The following RBFOX1 variants were observed in gnomAD, a reference collection of about 807,000 sequenced individuals.
RBFOX1 encodes RNA binding protein fox-1 homolog 1.
Under a neutral mutation model 57.7 loss-of-function variants are expected in RBFOX1, and 8 were observed. That is an observed-to-expected ratio of 0.14 (90% CI 0.08 to 0.25). RBFOX1 has a LOEUF of 0.25. Among genes scored for constraint, RBFOX1 ranks in the 10% least tolerant of loss-of-function variants. The pLI is 1.00. For missense variants in RBFOX1, 611 were observed against 548.5 expected (o/e 1.11, Z -1.14); for synonymous variants, 326 against 222.4 (o/e 1.47, Z -4.15).
At chr16:6,630,073 A>C (rs994342759) in intron 2 of RBFOX1, among the ~76,000 whole-genome samples, 18 of 151,920 alleles carry the variant, frequency 1.2e-4, no homozygotes, top group Admixed American at 7.9e-4. Flanking sequence ...TTCTGACAGG[A>C]AGAGGGTTTT....
rs2056363344 is a variant in RBFOX1 at position 5,833,764 on chromosome 16, C to T, written c.319-33539C>T. Among the ~76,000 whole-genome samples the T allele has an allele frequency of 2.0e-5, 3 of 152,084 alleles. No individual in the cohort carries two copies. In the South Asian group the frequency reaches 6.2e-4, roughly 32 times the overall value. On this transcript the variant is annotated intron_variant, in intron 3 of 19. Transcript: ENST00000641259. The stretch of plus-strand genomic sequence containing the variant: ...AAGGAGAGACACATTTATTTTGTTT[C>T]CCTTGTCTTTCTACTTAGTTAGCCC...
In RBFOX1 at chr16:6,468,372, C is replaced by T. The variant is rs59822138; in HGVS notation, c.-64+151315C>T. On this transcript the variant is annotated intron_variant, in intron 2 of 15. Transcript: ENST00000550418. ...GTGCCCCACTGCTGGGCCATACTGC[C>T]TGTCAGGCCCAAATTAATATCTTTT... 6.3e-3 allele frequency among the ~76,000 whole-genome samples: 957 copies of T among 152,298 alleles called. 13 individuals carry two copies. Among genetic ancestry groups the T allele is most frequent in the African/African-American group, 0.022 (916 of 41,558 alleles).
At position 6,790,448 on chromosome 16, in the gene RBFOX1, G is replaced by C. The variant is rs553731278; in HGVS notation, c.-16+135798G>C. Among the ~76,000 whole-genome samples, 261 of 152,236 alleles carry C rather than the reference G, an allele frequency of 1.7e-3. 1 individual carries two copies. The highest frequency in any genetic ancestry group is 6.2e-3 in the African/African-American group (257 of 41,554). On this transcript the variant is annotated intron_variant, in intron 3 of 15. Transcript: ENST00000550418. ...GATCTACCCACCTCGGCCTCCCAAA[G>C]TGCTGGGAATACAGGCGTGAGGCAC...
intron 3 of RBFOX1, among the ~76,000 whole-genome samples, chr16:6,714,225 C>G (rs1267674281): frequency 6.6e-6 from 1 of 152,256 alleles, no homozygotes; most frequent in African/African-American, 2.4e-5. Context: ...TGAGGCCTCT[C>G]CAGCCATGCA....
At chr16:5,637,581 C>A (rs1489101023) in intron 3 of RBFOX1, among the ~76,000 whole-genome samples, 49 of 152,182 alleles carry the variant, frequency 3.2e-4, no homozygotes, top group Non-Finnish European at 2.9e-5. Context: ...AATTGCTGTT[C>A]ATATGTTTAT....
intron 11 of RBFOX1, 47 bp from the exon 12 acceptor site, chr16:7,653,768 C>G (rs754341389): frequency 1.3e-6 from 2 of 1,595,592 alleles, no homozygotes; most frequent in South Asian, 2.2e-5. Context: ...GCAGGGTGTG[C>G]ATCTGACAGC....
At chr16:5,994,089 C>G (rs141982248) in intron 4 of RBFOX1, among the ~76,000 whole-genome samples, 1 of 152,112 alleles carries the variant, frequency 6.6e-6, no homozygotes, top group Non-Finnish European at 1.5e-5. Context: ...TATGGGGGCT[C>G]GTTCGACTCT....
intron 2 of RBFOX1, among the ~76,000 whole-genome samples, chr16:6,588,682 C>T (rs974090576): frequency 1.3e-5 from 2 of 152,112 alleles, no homozygotes; most frequent in African/African-American, 2.4e-5. Flanking sequence ...GCACCTTCCT[C>T]CCTGCATTTT....
chr16:5,472,953 T>A (rs562536876), intron 2 of RBFOX1, among the ~76,000 whole-genome samples: 1 of 152,280 alleles, frequency 6.6e-6, no homozygotes, highest in African/African-American at 2.4e-5. Flanking sequence ...TTCCCGTTGT[T>A]ATCAGACTAT....
intron 1 of RBFOX1, among the ~76,000 whole-genome samples, chr16:5,313,181 C>T (rs904971501): frequency 6.6e-6 from 1 of 152,164 alleles, no homozygotes; most frequent in East Asian, 1.9e-4. Flanking sequence ...GCTCATTACT[C>T]AAAGTCATGC....
At chr16:6,648,032 G>T (rs1338331283) in intron 2 of RBFOX1, among the ~76,000 whole-genome samples, 1 of 151,984 alleles carries the variant, frequency 6.6e-6, no homozygotes, top group Non-Finnish European at 1.5e-5. Flanking sequence ...AGTAGAGACA[G>T]GGGTTTCATT....
At chr16:5,628,558 T>A (rs986318959) in intron 3 of RBFOX1, among the ~76,000 whole-genome samples, 3 of 152,142 alleles carry the variant, frequency 2.0e-5, no homozygotes, top group Admixed American at 6.5e-5. Flanking sequence ...AACTCAAACA[T>A]AAAGTCTGAA....
At chr16:5,496,748 A>G (rs1323474058) in intron 2 of RBFOX1, among the ~76,000 whole-genome samples, 1 of 152,026 alleles carries the variant, frequency 6.6e-6, no homozygotes, top group Admixed American at 6.6e-5. Flanking sequence ...TTACATCTTT[A>G]TTTGCAATCA....
At chr16:5,551,887 G>A (rs1157972368) in intron 2 of RBFOX1, among the ~76,000 whole-genome samples, 2 of 151,686 alleles carry the variant, frequency 1.3e-5, no homozygotes, top group Non-Finnish European at 2.9e-5. Flanking sequence ...GAGAATATGC[G>A]GTGTTTGGTT....
chr16:6,504,759 T>TA (rs2096044640), intron 2 of RBFOX1, among the ~76,000 whole-genome samples: 1 of 152,212 alleles, frequency 6.6e-6, no homozygotes. Flanking sequence ...CACTTCTATT[T>TA]AAAAAACAAA....
intron 1 of RBFOX1, among the ~76,000 whole-genome samples, chr16:6,113,183 C>G (rs1446567634): frequency 6.6e-6 from 1 of 152,130 alleles, no homozygotes; most frequent in South Asian, 2.1e-4. Context: ...CTTTCATCCT[C>G]CTTAGACCAG....
intron 3 of RBFOX1, among the ~76,000 whole-genome samples, chr16:5,771,126 A>G (rs1185430750): frequency 6.6e-6 from 1 of 152,230 alleles, no homozygotes; most frequent in African/African-American, 2.4e-5. Flanking sequence ...AAATGAAAGC[A>G]AAGCGTGTTC....
chr16:6,790,445 A>C (rs1451952205), intron 3 of RBFOX1, among the ~76,000 whole-genome samples: 1 of 152,072 alleles, frequency 6.6e-6, no homozygotes, highest in Non-Finnish European at 1.5e-5. Context: ...TCGGCCTCCC[A>C]AAGTGCTGGG....
intron 2 of RBFOX1, among the ~76,000 whole-genome samples, chr16:5,536,737 A>T (rs1443699491): frequency 6.6e-6 from 1 of 151,768 alleles, no homozygotes; most frequent in Non-Finnish European, 1.5e-5. Context: ...GTCAACAGGG[A>T]GCAGGTGGTT....
Sources: allele counts gnomAD v4.1 joint callset (sites outside exome capture counted in the v4.1 genomes callset), GRCh38; gene constraint gnomAD v4.1.1; transcripts MANE v1.5; gene names NCBI Gene and HGNC (gene_info 2026-07-23, HGNC 2026-07-21).